PHLDB3: variants seen among roughly 807,000 people sequenced by gnomAD.
The protein encoded by PHLDB3 is pleckstrin homology like domain family B member 3, also known as pleckstrin homology-like domain family B member 3.
Under a neutral mutation model 85.7 loss-of-function variants are expected in PHLDB3, and 86 were observed. The ratio of observed to expected loss-of-function variants is 1.00; its 90% confidence interval spans 0.84 to 1.20. The LOEUF is 1.20. Ranked by LOEUF, PHLDB3 falls within the 50% of genes most tolerant of loss-of-function variation. The pLI is 0.00. For synonymous variants in PHLDB3, 376 were observed against 349.8 expected (o/e 1.07, Z -0.83); for missense variants, 995 against 873.0 (o/e 1.14, Z -1.76).
At chr19:43,495,362 A>T in intron 7 of PHLDB3, 23 bp from the exon 8 acceptor site, 2 of 1,610,396 alleles carry the variant, frequency 1.2e-6, no homozygotes, top group Non-Finnish European at 1.7e-6. Flanking sequence ...ATGGACAGCT[A>T]CGTGTCAAAG....
rs375990955 is a variant in PHLDB3 at position 43,501,225 on chromosome 19, G to A, written c.534+509C>T. Among the ~76,000 whole-genome samples the A allele has an allele frequency of 8.5e-5, 12 of 141,264 alleles. No homozygotes were observed. In the South Asian group the frequency reaches 2.5e-3, roughly 29 times the overall value. 92.7% of individuals were successfully genotyped at this position (141,264 alleles called of 152,430 possible). A position where few individuals can be genotyped will look rare whatever the true frequency, so the allele number is the denominator to read the frequency against. On this transcript the variant is annotated intron_variant, in intron 4 of 15. Transcript: ENST00000292140. Reference sequence around the variant, plus strand: ...GACGGAGTCTCCTTCTTGTCACGCAGGCTGCTGGAGTGCAATGGTGCGATC... The same window carrying A: ...GACGGAGTCTCCTTCTTGTCACGCAAGCTGCTGGAGTGCAATGGTGCGATC...
intron 13 of PHLDB3, among the ~76,000 whole-genome samples, chr19:43,483,867 A>G (rs1971097166): frequency 6.6e-6 from 1 of 152,228 alleles, no homozygotes; most frequent in Non-Finnish European, 1.5e-5. Context: ...ATGATGGTTC[A>G]GGCCTATAAT....
chr19:43,477,997 T>C (rs1005257377), intron 15 of PHLDB3, 50 bp downstream of exon 15: 3 of 1,488,522 alleles, frequency 2.0e-6, no homozygotes, highest in Admixed American at 1.7e-5. Context: ...AAGGCCTGAC[T>C]CCAACTGAGT....
intron 4 of PHLDB3, chr19:43,501,513 T>TAA (rs1328600230): frequency 5.8e-6 from 5 of 861,866 alleles, no homozygotes; most frequent in Non-Finnish European, 8.6e-6. Context: ...CACCCACATT[T>TAA]AAATAGCAAA....
At chr19:43,479,999 T>C (rs1278525081) in intron 13 of PHLDB3, among the ~76,000 whole-genome samples, 1 of 151,900 alleles carries the variant, frequency 6.6e-6, no homozygotes, top group Admixed American at 6.6e-5. Context: ...CCGGGTGTGG[T>C]GGCTTATGCC....
intron 2 of PHLDB3, 74 bp downstream of exon 2, chr19:43,503,832 G>A (rs1971678222): frequency 3.8e-6 from 6 of 1,565,624 alleles, no homozygotes; most frequent in South Asian, 3.4e-5. Context: ...CCCTCTACCT[G>A]TCTACCTGTC....
chr19:43,502,656 A>G (rs1220076410), intron 2 of PHLDB3, among the ~76,000 whole-genome samples: 1 of 118,044 alleles, frequency 8.5e-6, no homozygotes, highest in Non-Finnish European at 1.7e-5. Context: ...GGGCGATGCT[A>G]TGTTGCCCAG....
rs770993099 is a variant in PHLDB3, at chr19:43,486,444, A to C, written c.1429-122T>G. ...GGACTGGGGGCCTGGACTCCTGGGTATGAGGGAGGATGGGCTGGGGGCCTG... is the reference window on the plus strand; with the variant it reads ...GGACTGGGGGCCTGGACTCCTGGGTCTGAGGGAGGATGGGCTGGGGGCCTG... On this transcript the variant is annotated intron_variant, in intron 12 of 15. Coordinates refer to ENST00000292140, the MANE Select transcript of PHLDB3 (RefSeq NM_198850.4). 532 of 1,216,686 alleles carry C rather than the reference A, an allele frequency of 4.4e-4. 3 individuals are homozygous for C. The highest frequency in any genetic ancestry group is 3.8e-4 in the Non-Finnish European group (336 of 879,356). 75.4% of individuals were successfully genotyped at this position (1,216,686 alleles called of 1,614,324 possible).
chr19:43,504,213 G>C, intron 1 of PHLDB3, 81 bp from the exon 2 acceptor site: 1 of 1,281,424 alleles, frequency 7.8e-7, no homozygotes, highest in African/African-American at 1.7e-5. Flanking sequence ...CCGGGGCGCG[G>C]AGACCCCCCC....
rs1409703665 is a variant in PHLDB3, at chr19:43,486,214, G to A, written c.1485+52C>T. The A allele has an allele frequency of 2.5e-6, 4 of 1,570,760 alleles. No homozygotes were observed. The Admixed American group carries it at 7.4e-5, about 29-fold the overall frequency. On this transcript the variant is annotated intron_variant, in intron 13 of 15. Transcript: ENST00000292140. ...AGATGTAAGAAAGGGCATAGGTCAGGGGGAGAAACAGAGCAGGGAGAGGTG... is the reference window on the plus strand; with the variant it reads ...AGATGTAAGAAAGGGCATAGGTCAGAGGGAGAAACAGAGCAGGGAGAGGTG...
chr19:43,477,314 T>A (rs954129833), intron 15 of PHLDB3, among the ~76,000 whole-genome samples: 1 of 147,660 alleles, frequency 6.8e-6, no homozygotes, highest in African/African-American at 2.7e-5. Flanking sequence ...AGGTCAGGAG[T>A]TCGAGACCAG....
chr19:43,481,965 C>T (rs369765544), intron 13 of PHLDB3, among the ~76,000 whole-genome samples: 30 of 152,030 alleles, frequency 2.0e-4, no homozygotes, highest in Admixed American at 8.5e-4. Flanking sequence ...AAAGAGTACC[C>T]GCTGGGCCTG....
chr19:43,504,108 C>T lies in PHLDB3; in HGVS notation c.11G>A (p.Arg4Gln), dbSNP rs1311047179. The T allele has an allele frequency of 1.2e-6, 2 of 1,600,884 alleles. No individual in the cohort carries two copies. Among genetic ancestry groups the T allele is most frequent in the East Asian group, 4.5e-5 (2 of 44,150 alleles). Residue 4 changes from arginine to glutamine, a missense_variant, in exon 2 of 16, where the codon CGA becomes CAA. Transcript: ENST00000292140. ...CGGGGTCCCCTCCTCGGGGCTGCTTCGCGTCCCCATGGCCGCTGGGACTCC... is the reference window on the plus strand; with the variant it reads ...CGGGGTCCCCTCCTCGGGGCTGCTTTGCGTCCCCATGGCCGCTGGGACTCC... The part of the protein sequence containing the change: MGT[R>Q]SSPEEGTPPP...
intron 6 of PHLDB3, 40 bp downstream of exon 6, chr19:43,497,077 AG>A: frequency 1.4e-6 from 2 of 1,399,462 alleles, no homozygotes; most frequent in East Asian, 2.7e-5. Flanking sequence ...GGAGACAGAG[AG>A]GAGCAGCAAG....
chr19:43,477,508 C>T lies in PHLDB3; in HGVS notation c.1788+539G>A, dbSNP rs571424056. 3.7e-5 allele frequency among the ~76,000 whole-genome samples: 5 copies of T among 136,584 alleles called. No individual in the cohort carries two copies. In the South Asian group the frequency reaches 1.3e-3, roughly 34 times the overall value. The allele number at this position is 136,584 out of a possible 152,430, so 89.6% of individuals were successfully genotyped here. ...CTCCAGCCTGGGCAACAGAGCCAGA[C>T]TCCATCTAAAAAAAAAAAAAGAGCC... On this transcript the variant is annotated intron_variant, in intron 15 of 15. Coordinates refer to ENST00000292140, the MANE Select transcript of PHLDB3 (RefSeq NM_198850.4).
chr19:43,486,506 G>C (rs1388362203), intron 12 of PHLDB3, 103 bp downstream of exon 12: 33 of 1,400,436 alleles, frequency 2.4e-5, no homozygotes, highest in Non-Finnish European at 2.8e-5. Context: ...CTGGGGGCCT[G>C]GACCCCTGGG....
At position 43,479,586 on chromosome 19, in the gene PHLDB3, G is replaced by A; in HGVS notation, c.1493C>T (p.Pro498Leu). 1 of 1,481,962 alleles carries A rather than the reference G, an allele frequency of 6.7e-7. No individual in the cohort carries two copies. Among genetic ancestry groups the A allele is most frequent in the Non-Finnish European group, 9.2e-7 (1 of 1,087,552 alleles). The allele number at this position is 1,481,962 out of a possible 1,614,324, so 91.8% of individuals were successfully genotyped here. A position where few individuals can be genotyped will look rare whatever the true frequency, so the allele number is the denominator to read the frequency against. The change falls in exon 14 of 16, where the codon CCC becomes CTC. Residue 498 changes from proline (P) to leucine (L), a missense_variant. Physicochemically the swap from Pro to Leu is moderately conservative, Grantham distance 98. Transcript: ENST00000292140. ...CGGGCCTGGAGGGTGGGGTGGGGTG[G>A]GTGGGGCCTGGGGAGCAAAGAGACG... ...GPAVPAITAP[P>L]TPPHPPGPRI...
At chr19:43,504,279 G>A in intron 1 of PHLDB3, 147 bp from the exon 2 acceptor site, 1 of 753,134 alleles carries the variant, frequency 1.3e-6, no homozygotes, top group African/African-American at 1.8e-5. Context: ...ACGGAGGCGT[G>A]TCCTGAAGTT....
chr19:43,481,737 T>C (rs1971051226), intron 13 of PHLDB3, among the ~76,000 whole-genome samples: 2 of 146,582 alleles, frequency 1.4e-5, no homozygotes, highest in African/African-American at 5.1e-5. Flanking sequence ...GGGGTTGCAG[T>C]GAGCCGAGAT....
Sources: allele counts gnomAD v4.1 joint callset (sites outside exome capture counted in the v4.1 genomes callset), GRCh38; gene constraint gnomAD v4.1.1; transcripts MANE v1.5; gene names NCBI Gene and HGNC (gene_info 2026-07-23, HGNC 2026-07-21).